RNF185: variants seen among roughly 807,000 people sequenced by gnomAD.
RNF185 encodes the protein E3 ubiquitin-protein ligase RNF185.
RNF185 carries 13 observed loss-of-function variants against 24.9 expected under a neutral mutation model. That is an observed-to-expected ratio of 0.52 (90% confidence interval 0.34 to 0.83). The LOEUF (loss-of-function observed/expected upper bound fraction) is 0.83, where lower values mean the gene tolerates loss of function less well. Ranked by LOEUF, RNF185 falls within the 40% of genes least tolerant of loss-of-function variation. RNF185 has a pLI of 0.01. For missense variants in RNF185, 184 were observed against 244.7 expected, an observed-to-expected ratio of 0.75 and a Z score of 1.65; for synonymous variants, 79 against 90.3, an observed-to-expected ratio of 0.88 and a Z score of 0.71.
intron 2 of RNF185, 97 bp downstream of exon 2, chr22:31,187,367 G>T: frequency 7.6e-7 from 1 of 1,311,458 alleles, no homozygotes; most frequent in Non-Finnish European, 1.1e-6. Context: ...TGCTCACTTT[G>T]GGAATACACT....
chr22:31,200,787 G>C (rs2147964800), intron 5 of RNF185, among the ~76,000 whole-genome samples: 1 of 152,280 alleles, frequency 6.6e-6, no homozygotes, highest in South Asian at 2.1e-4. Context: ...GTTTCTTATA[G>C]CAAGTATATA....
chr22:31,184,018 C>CT (rs1445527676), intron 1 of RNF185, among the ~76,000 whole-genome samples: 2 of 146,402 alleles, frequency 1.4e-5, no homozygotes, highest in Admixed American at 6.7e-5. Flanking sequence ...CGGGGGCTGC[C>CT]CCCCCCCACC....
chr22:31,166,737 C>G (rs1029853820), intron 1 of RNF185, among the ~76,000 whole-genome samples: 1 of 151,962 alleles, frequency 6.6e-6, no homozygotes, highest in Non-Finnish European at 1.5e-5. Flanking sequence ...GCAACCTCCA[C>G]CTCCCGGGTT....
At chr22:31,165,563 C>G (rs760497750) in intron 1 of RNF185, among the ~76,000 whole-genome samples, 8 of 152,192 alleles carry the variant, frequency 5.3e-5, no homozygotes, top group Non-Finnish European at 1.0e-4. Context: ...TGTCCCTGAT[C>G]TGAATGTAGT....
intron 1 of RNF185, among the ~76,000 whole-genome samples, chr22:31,184,663 T>G (rs527568894): frequency 2.6e-5 from 4 of 152,104 alleles, no homozygotes; most frequent in African/African-American, 9.7e-5. Flanking sequence ...TCTGCAATCC[T>G]GGCACCTCGG....
intron 3 of RNF185, among the ~76,000 whole-genome samples, chr22:31,193,013 A>T (rs896451005): frequency 6.6e-6 from 1 of 152,210 alleles, no homozygotes; most frequent in African/African-American, 2.4e-5. Context: ...AGTGCCTCCT[A>T]TCATATCAAC....
intron 1 of RNF185, among the ~76,000 whole-genome samples, chr22:31,173,091 G>A (rs1428550947): frequency 6.6e-6 from 1 of 152,136 alleles, no homozygotes; most frequent in Non-Finnish European, 1.5e-5. Flanking sequence ...TTGGCCCTAG[G>A]AGGTATCTCA....
At chr22:31,184,418 C>T (rs1006139171) in intron 1 of RNF185, among the ~76,000 whole-genome samples, 124 of 151,870 alleles carry the variant, frequency 8.2e-4, no homozygotes, top group Non-Finnish European at 1.3e-3. Context: ...GAGAGGCGCT[C>T]CTCACTTCCC....
intron 6 of RNF185, among the ~76,000 whole-genome samples, chr22:31,202,847 C>A (rs1045690271): frequency 6.6e-6 from 1 of 152,144 alleles, no homozygotes; most frequent in African/African-American, 2.4e-5. Flanking sequence ...ATCTCCTGAC[C>A]TCGTGATCCG....
intron 1 of RNF185, among the ~76,000 whole-genome samples, chr22:31,173,565 G>A (rs139177152): frequency 2.6e-5 from 4 of 152,154 alleles, no homozygotes; most frequent in Admixed American, 2.0e-4. Context: ...TGTTAAGGAC[G>A]TTGGCTTGGG....
chr22:31,167,408 T>G (rs1923994132), intron 1 of RNF185, among the ~76,000 whole-genome samples: 1 of 152,094 alleles, frequency 6.6e-6, no homozygotes, highest in Non-Finnish European at 1.5e-5. Context: ...TCACCACTAT[T>G]TCTAAAACTT....
chr22:31,188,544 T>G (rs1014525831), intron 2 of RNF185, among the ~76,000 whole-genome samples: 1 of 152,184 alleles, frequency 6.6e-6, no homozygotes, highest in African/African-American at 2.4e-5. Flanking sequence ...ACAGCTATTA[T>G]GGCTGGGCTC....
At chr22:31,183,814 CTCTT>C (rs1486030470) in intron 1 of RNF185, among the ~76,000 whole-genome samples, 2 of 152,220 alleles carry the variant, frequency 1.3e-5, no homozygotes, top group Non-Finnish European at 2.9e-5. Context: ...AATCTGATCT[CTCTT>C]TCTTTTCCCC....
chr22:31,166,732 C>T (rs1437871651), intron 1 of RNF185, among the ~76,000 whole-genome samples: 1 of 151,950 alleles, frequency 6.6e-6, no homozygotes, highest in South Asian at 2.1e-4. Flanking sequence ...TCACTGCAAC[C>T]TCCACCTCCC....
intron 1 of RNF185, among the ~76,000 whole-genome samples, chr22:31,181,547 A>C (rs2147938855): frequency 6.6e-6 from 1 of 152,204 alleles, no homozygotes; most frequent in South Asian, 2.1e-4. Flanking sequence ...GTGTCTCTAC[A>C]TGCACACGTA....
At chr22:31,168,153 TTACTC>T (rs1458517159) in intron 1 of RNF185, among the ~76,000 whole-genome samples, 4 of 152,214 alleles carry the variant, frequency 2.6e-5, no homozygotes, top group Admixed American at 6.5e-5. Context: ...ATGATTTTGT[TTACTC>T]TAAGTACGTC....
chr22:31,185,383 C>G (rs556173875), intron 1 of RNF185, among the ~76,000 whole-genome samples: 24 of 152,242 alleles, frequency 1.6e-4, no homozygotes, highest in African/African-American at 5.5e-4. Flanking sequence ...TGGTCCTTGT[C>G]TTCTCATACT....
intron 2 of RNF185, among the ~76,000 whole-genome samples, chr22:31,191,862 T>A: frequency 6.6e-6 from 1 of 150,976 alleles, no homozygotes; most frequent in South Asian, 2.1e-4. Context: ...AGTTGAATAC[T>A]TTTCTTTCAA....
At chr22:31,203,254 G>A (rs1373263684) in intron 6 of RNF185, among the ~76,000 whole-genome samples, 1 of 152,046 alleles carries the variant, frequency 6.6e-6, no homozygotes, top group African/African-American at 2.4e-5. Flanking sequence ...GTCAGGACAG[G>A]GAGCTCTAAA....
Sources: gnomAD v4.1 joint callset for allele counts (sites outside exome capture counted in the v4.1 genomes callset) on GRCh38, gnomAD v4.1.1 for gene constraint, MANE v1.5 for transcripts, NCBI Gene and HGNC (gene_info 2026-07-23, HGNC 2026-07-21) for gene names.